GHR: variants seen among roughly 807,000 people sequenced by gnomAD.
GHR encodes GH receptor.
GHR carries 35 observed loss-of-function variants against 67.1 expected under a neutral mutation model. That is an observed-to-expected ratio of 0.52 (90% CI 0.40 to 0.69). GHR has a LOEUF of 0.69. Among genes scored for constraint, GHR ranks in the 30% least tolerant of loss-of-function variants. The pLI, the probability that GHR is intolerant of heterozygous loss-of-function variation, is 0.00. For missense variants in GHR, 792 were observed against 764.6 expected (o/e 1.04, Z -0.42); for synonymous variants, 272 against 269.1 (o/e 1.01, Z -0.10).
intron 1 of GHR, among the ~76,000 whole-genome samples, chr5:42,431,447 C>T (rs574855393): frequency 6.6e-6 from 1 of 152,238 alleles, no homozygotes; most frequent in South Asian, 2.1e-4. Flanking sequence ...GCAAATAAAG[C>T]CTTAGGCCAG....
chr5:42,520,587 C>T lies in GHR; in HGVS notation c.-11-45277C>T, dbSNP rs543302395. 1.1e-4 allele frequency among the ~76,000 whole-genome samples: 16 copies of T among 152,232 alleles called. No homozygotes were observed. In the South Asian group the frequency reaches 3.3e-3, roughly 32 times the overall value. On this transcript the variant is annotated intron_variant, in intron 1 of 9. Coordinates refer to ENST00000230882, the MANE Select transcript of GHR (RefSeq NM_000163.5). ...CACTTGATATCAAGATTATTAGGGT[C>T]ATGATTGTGTTTAAGACCCTAAGAC...
intron 1 of GHR, among the ~76,000 whole-genome samples, chr5:42,448,654 T>C (rs1743921377): frequency 6.6e-6 from 1 of 151,288 alleles, no homozygotes; most frequent in Non-Finnish European, 1.5e-5. Context: ...CCAATTTGTT[T>C]ATTTTTATTT....
chr5:42,596,984 G>A (rs2112616513), intron 2 of GHR, among the ~76,000 whole-genome samples: 1 of 152,292 alleles, frequency 6.6e-6, no homozygotes, highest in Non-Finnish European at 1.5e-5. Context: ...ACACAGTGGA[G>A]GATGTTTAGG....
intron 3 of GHR, among the ~76,000 whole-genome samples, chr5:42,660,171 C>G (rs866765680): frequency 1.3e-5 from 2 of 152,206 alleles, no homozygotes; most frequent in African/African-American, 4.8e-5. Context: ...GACTCCACCT[C>G]TGGGGGCAGG....
chr5:42,640,413 A>T (rs1754408001), intron 3 of GHR, among the ~76,000 whole-genome samples: 1 of 152,184 alleles, frequency 6.6e-6, no homozygotes, highest in African/African-American at 2.4e-5. Flanking sequence ...TAGATATGGA[A>T]GATATGGAAT....
At chr5:42,678,076 A>G (rs984784322) in intron 3 of GHR, among the ~76,000 whole-genome samples, 1 of 152,228 alleles carries the variant, frequency 6.6e-6, no homozygotes, top group African/African-American at 2.4e-5. Flanking sequence ...TACATAGATT[A>G]GCTCACTTAA....
chr5:42,707,589 C>T (rs1758239072), intron 6 of GHR, among the ~76,000 whole-genome samples: 1 of 152,034 alleles, frequency 6.6e-6, no homozygotes, highest in East Asian at 1.9e-4. Flanking sequence ...AATCCATAAG[C>T]ATGGAATGTT....
At chr5:42,534,486 A>G (rs1311720103) in intron 1 of GHR, among the ~76,000 whole-genome samples, 1 of 141,380 alleles carries the variant, frequency 7.1e-6, no homozygotes, top group Non-Finnish European at 1.5e-5. Flanking sequence ...ATATGTGTAT[A>G]TATGTATGTA....
At chr5:42,684,350 C>T (rs72754972) in intron 3 of GHR, among the ~76,000 whole-genome samples, 173 of 152,268 alleles carry the variant, frequency 1.1e-3, no homozygotes, top group Non-Finnish European at 4.9e-4. Context: ...AGTGCATTTC[C>T]TTTTCTTATT....
chr5:42,653,717 A>G lies in GHR; in HGVS notation c.136+24614A>G, dbSNP rs145755562. Among the ~76,000 whole-genome samples, 88 of 152,266 alleles carry G rather than the reference A, an allele frequency of 5.8e-4. 1 individual carries two copies. Among genetic ancestry groups the G allele is most frequent in the African/African-American group, 2.0e-3 (85 of 41,570 alleles). On this transcript the variant is annotated intron_variant, in intron 3 of 9. Coordinates refer to ENST00000230882, the MANE Select transcript of GHR (RefSeq NM_000163.5). ...ATTGAGAGATATTGCTTCTTGAATC[A>G]GTGCTAGACCATTGCTCTAGGGGGA... is the stretch of plus-strand genomic sequence containing the variant.
intron 3 of GHR, among the ~76,000 whole-genome samples, chr5:42,642,137 G>T (rs1754506376): frequency 6.6e-6 from 1 of 152,114 alleles, no homozygotes. Flanking sequence ...AATTCAGAAG[G>T]ATCAGAAGAC....
In GHR at chr5:42,459,971, T is replaced by C. The variant is rs189324375; in HGVS notation, c.-12+36016T>C. On this transcript the variant is annotated intron_variant, in intron 1 of 9. Coordinates refer to ENST00000230882, the MANE Select transcript of GHR (RefSeq NM_000163.5). ...TCTCCCAGCTCCCCAGATTCACAGG[T>C]TGAAGCCCTAACCTCCAATGTGGCT... 1.8e-4 allele frequency among the ~76,000 whole-genome samples: 28 copies of C among 152,268 alleles called. No individual in the cohort carries two copies. In the East Asian group the frequency reaches 5.4e-3, roughly 29 times the overall value.
chr5:42,647,241 T>C (rs999533102), intron 3 of GHR, among the ~76,000 whole-genome samples: 1 of 152,064 alleles, frequency 6.6e-6, no homozygotes, highest in Non-Finnish European at 1.5e-5. Flanking sequence ...TAAAATTGAT[T>C]AGCCAATTGC....
rs34190075 is a variant in GHR at position 42,713,420 on chromosome 5, G to A, written c.785-9G>A. 2.4e-3 allele frequency: 2,877 copies of A among 1,178,276 alleles called. 58 individuals carry two copies. In the African/African-American group the frequency reaches 0.039, roughly 16 times the overall value. 73.0% of individuals were successfully genotyped at this position (1,178,276 alleles called of 1,614,324 possible). A position where few individuals can be genotyped will look rare whatever the true frequency, so the allele number is the denominator to read the frequency against. ...AATTCTGAAAGCGAAATATTCTTGT[G>A]TGTTTCAGATTTCTACTTTCCATGG... On this transcript the variant is annotated splice_polypyrimidine_tract_variant and intron_variant, in intron 7 of 9. Transcript: ENST00000230882.
chr5:42,514,705 A>C (rs1747166185), intron 1 of GHR, among the ~76,000 whole-genome samples: 1 of 152,158 alleles, frequency 6.6e-6, no homozygotes. Flanking sequence ...GTCTGTAGTC[A>C]TTGCAGGGTG....
At chr5:42,683,992 GTTTT>G (rs1757016854) in intron 3 of GHR, among the ~76,000 whole-genome samples, 1 of 151,624 alleles carries the variant, frequency 6.6e-6, no homozygotes, top group African/African-American at 2.4e-5. Flanking sequence ...AGCTGACAAA[GTTTT>G]TTATTTCTTT....
chr5:42,654,481 T>C, intron 3 of GHR, among the ~76,000 whole-genome samples: 1 of 152,116 alleles, frequency 6.6e-6, no homozygotes. Flanking sequence ...AAGCCAGAAG[T>C]TGTTTTACGT....
At chr5:42,478,229 T>C (rs1403078982) in intron 1 of GHR, among the ~76,000 whole-genome samples, 1 of 152,204 alleles carries the variant, frequency 6.6e-6, no homozygotes, top group Non-Finnish European at 1.5e-5. Flanking sequence ...CTCCGTTCGG[T>C]TCCATTGGTC....
At chr5:42,584,230 A>C (rs1483154186) in intron 2 of GHR, among the ~76,000 whole-genome samples, 1 of 152,204 alleles carries the variant, frequency 6.6e-6, no homozygotes, top group Admixed American at 6.5e-5. Flanking sequence ...AAATGTTATT[A>C]AGGCTCGAGG....
Sources: gnomAD v4.1 joint callset for allele counts (sites outside exome capture counted in the v4.1 genomes callset) on GRCh38, gnomAD v4.1.1 for gene constraint, MANE v1.5 for transcripts, NCBI Gene and HGNC (gene_info 2026-07-23, HGNC 2026-07-21) for gene names.